GIT2: variants seen among roughly 807,000 people sequenced by gnomAD.
The protein encoded by GIT2 is ARF GTPase-activating protein GIT2.
In GIT2, 32 loss-of-function variants were observed where a neutral mutation model predicts 100.3. The ratio of observed to expected loss-of-function variants is 0.32; its 90% CI spans 0.24 to 0.43. GIT2 has a LOEUF of 0.43. Ranked by LOEUF, GIT2 falls within the 20% of genes least tolerant of loss-of-function variation. The pLI is 1.00. For missense variants in GIT2, 737 were observed against 975.1 expected, an observed-to-expected ratio of 0.76 and a Z score of 3.25; for synonymous variants, 353 against 364.1, an observed-to-expected ratio of 0.97 and a Z score of 0.35.
intron 13 of GIT2, 130 bp from the exon 14 acceptor site, chr12:109,951,446 G>C: frequency 1.4e-6 from 1 of 691,526 alleles, no homozygotes; most frequent in Non-Finnish European, 2.5e-6. Flanking sequence ...CAAGGCCTCT[G>C]AGAGTAATGC....
chr12:109,947,700 G>A lies in GIT2; in HGVS notation c.1393-196C>T, dbSNP rs1876724019. ...AAACACAATCAACTCCCTTCATCACGTAAGCAAATTAAATAGCTTCATTTC... is the reference window on the plus strand; with the variant it reads ...AAACACAATCAACTCCCTTCATCACATAAGCAAATTAAATAGCTTCATTTC... On this transcript the variant is annotated intron_variant, in intron 14 of 19. Coordinates refer to ENST00000355312, the MANE Select transcript of GIT2 (RefSeq NM_057169.5). The surrounding 1 kb of genome is among the most constrained non-coding windows in gnomAD (Gnocchi z 4.3). 2 of 560,328 alleles carry A rather than the reference G, an allele frequency of 3.6e-6. No homozygotes were observed. The highest frequency in any genetic ancestry group is 4.6e-5 in the South Asian group (2 of 43,292). 34.7% of individuals were successfully genotyped at this position (560,328 alleles called of 1,614,324 possible). A position where few individuals can be genotyped will look rare whatever the true frequency, so the allele number is the denominator to read the frequency against.
chr12:109,965,969 G>A (rs1049996471), intron 8 of GIT2, among the ~76,000 whole-genome samples: 1 of 151,214 alleles, frequency 6.6e-6, no homozygotes, highest in Non-Finnish European at 1.5e-5. Flanking sequence ...GGAGGCCGAG[G>A]TGGGAGGATC....
chr12:109,977,989 G>GTC (rs2136697768), intron 7 of GIT2, among the ~76,000 whole-genome samples: 1 of 150,370 alleles, frequency 6.7e-6, no homozygotes, highest in African/African-American at 2.4e-5. Context: ...ATTTTGATGT[G>GTC]TCTCAACTGT....
intron 7 of GIT2, among the ~76,000 whole-genome samples, chr12:109,978,624 T>C (rs1408269541): frequency 6.6e-6 from 1 of 152,226 alleles, no homozygotes; most frequent in Non-Finnish European, 1.5e-5. Context: ...ATCTCTATTC[T>C]TCTATTAAGC....
At chr12:109,935,081 A>G (rs1406047945) in intron 18 of GIT2, among the ~76,000 whole-genome samples, 1 of 152,146 alleles carries the variant, frequency 6.6e-6, no homozygotes, top group Non-Finnish European at 1.5e-5. Flanking sequence ...TCCGTCTAAA[A>G]AAAAAAAAAG....
At chr12:109,965,931 G>A (rs923702555) in intron 8 of GIT2, among the ~76,000 whole-genome samples, 6 of 151,456 alleles carry the variant, frequency 4.0e-5, no homozygotes, top group Admixed American at 6.6e-5. Flanking sequence ...CGGGCTCGAT[G>A]GCTCCCGCCT....
chr12:109,958,180 G>A (rs1188493933), intron 12 of GIT2, among the ~76,000 whole-genome samples: 2 of 151,766 alleles, frequency 1.3e-5, no homozygotes, highest in African/African-American at 4.8e-5. Flanking sequence ...TCCTGACCTC[G>A]TGATCTGCCC....
At chr12:109,995,720 G>A (rs1889233608) in intron 1 of GIT2, among the ~76,000 whole-genome samples, 1 of 152,166 alleles carries the variant, frequency 6.6e-6, no homozygotes, top group Non-Finnish European at 1.5e-5. Context: ...TCATCTACGG[G>A]GACCCTCTGG....
intron 7 of GIT2, among the ~76,000 whole-genome samples, chr12:109,969,875 C>G (rs1352514073): frequency 1.3e-5 from 2 of 151,982 alleles, no homozygotes; most frequent in Admixed American, 6.6e-5. Flanking sequence ...CCTGCCTTAG[C>G]CTCCTGAGTA....
intron 16 of GIT2, among the ~76,000 whole-genome samples, chr12:109,944,020 A>G (rs1336522711): frequency 6.6e-6 from 1 of 152,148 alleles, no homozygotes; most frequent in Non-Finnish European, 1.5e-5. Context: ...AAGAATTCCA[A>G]AAGGGTCAGG....
rs186612198 is a variant in GIT2, at chr12:109,976,546, A to G, written c.718+4406T>C. Among the ~76,000 whole-genome samples the G allele has an allele frequency of 6.1e-3, 915 of 150,656 alleles. 4 individuals carry two copies. Among genetic ancestry groups the G allele is most frequent in the Non-Finnish European group, 0.011 (742 of 67,828 alleles). On this transcript the variant is annotated intron_variant, in intron 7 of 19. Coordinates refer to ENST00000355312, the MANE Select transcript of GIT2 (RefSeq NM_057169.5). ...TGATCTGCCCACCTCGGCCTCCCAAAGTGCTGGGATTACGGGCGTGAGCCA... is the reference window on the plus strand; with the variant it reads ...TGATCTGCCCACCTCGGCCTCCCAAGGTGCTGGGATTACGGGCGTGAGCCA...
intron 17 of GIT2, 90 bp downstream of exon 17, chr12:109,939,075 T>C: frequency 1.3e-6 from 1 of 746,830 alleles, no homozygotes; most frequent in Non-Finnish European, 2.5e-6. Context: ...AAAAGGGGTG[T>C]GTGTGGTGAA....
rs1364976969 is a variant in GIT2, at chr12:109,989,675, A to G, written c.299+15T>C. 1 of 1,251,278 alleles carries G rather than the reference A, an allele frequency of 8.0e-7. No homozygotes were observed. The highest frequency in any genetic ancestry group is 1.2e-5 in the South Asian group (1 of 82,922). 77.5% of individuals were successfully genotyped at this position (1,251,278 alleles called of 1,614,324 possible). On this transcript the variant is annotated intron_variant, in intron 3 of 19. Coordinates refer to ENST00000355312, the MANE Select transcript of GIT2 (RefSeq NM_057169.5). ...GTTATGAAGAAATAAAAGTATTTAT[A>G]AACATTCCACTCACTGTACTTTATC...
intron 4 of GIT2, among the ~76,000 whole-genome samples, chr12:109,987,790 G>T (rs1488573109): frequency 2.0e-5 from 3 of 152,148 alleles, no homozygotes; most frequent in Non-Finnish European, 4.4e-5. Flanking sequence ...AAAAAGTTCT[G>T]AATAAGTAAG....
intron 6 of GIT2, chr12:109,982,800 C>T (rs997867890): frequency 6.6e-6 from 1 of 151,856 alleles, no homozygotes; most frequent in African/African-American, 2.4e-5. Flanking sequence ...CCACCATGCC[C>T]AGCCAATTTT....
chr12:109,953,286 T>TAAA, intron 12 of GIT2, 52 bp from the exon 13 acceptor site: 1 of 1,581,354 alleles, frequency 6.3e-7, no homozygotes, highest in Non-Finnish European at 8.7e-7. Flanking sequence ...TTGCTTTTCT[T>TAAA]CCAAAAAACT....
intron 7 of GIT2, among the ~76,000 whole-genome samples, chr12:109,976,817 G>A (rs1885193368): frequency 5.3e-5 from 8 of 151,146 alleles, no homozygotes; most frequent in Admixed American, 4.6e-4. Context: ...TCAAACTCCT[G>A]ATGTCAGGTG....
Position 109,947,212 on chromosome 12 carries a change from GGCTGC to G in GIT2, c.1641+39_1641+43del. 6.3e-7 allele frequency: 1 copy of G among 1,580,090 alleles called. No individual in the cohort carries two copies. Among genetic ancestry groups the G allele is most frequent in the Non-Finnish European group, 8.6e-7 (1 of 1,158,348 alleles). On this transcript the variant is annotated intron_variant, in intron 15 of 19. Transcript: ENST00000355312. This position sits in a 1 kb window ranked among gnomAD's most constrained non-coding sequence, Gnocchi z 4.3. Reference sequence around the variant, plus strand: ...TTCAGAAGAGGGAACAGAGTAGACAGGCTGCATAGAGTGAACAGCAGAAGCGCCAG... The same window carrying G: ...TTCAGAAGAGGGAACAGAGTAGACAGATAGAGTGAACAGCAGAAGCGCCAG...
rs779904959 is a variant in GIT2 at position 109,989,064 on chromosome 12, T to A, written c.304A>T (p.Asn102Tyr). The A allele has an allele frequency of 2.0e-5, 32 of 1,595,838 alleles. No individual in the cohort carries two copies. The highest frequency in any genetic ancestry group is 2.8e-5 in the Non-Finnish European group (32 of 1,163,556). The part of the protein sequence containing the change: ...KANPQDKVHP[N>Y]KAEFIRAKYQ... ...TTGGCTCTGATGAATTCCGCTTTAT[T>A]GGGACTGGTTCAAAAACAAAAAAGA... The change falls in exon 4 of 20, where the codon AAT (asparagine) becomes TAT (tyrosine). Residue 102 changes from asparagine (N) to tyrosine (Y), a missense_variant. Transcript: ENST00000355312.
Sources: gnomAD v4.1 joint callset for allele counts (sites outside exome capture counted in the v4.1 genomes callset) on GRCh38, gnomAD v4.1.1 for gene constraint, Gnocchi (gnomAD v3.1) non-coding constraint, MANE v1.5 for transcripts, NCBI Gene and HGNC (gene_info 2026-07-23, HGNC 2026-07-21) for gene names.